MTUS2: variants seen among roughly 807,000 people sequenced by gnomAD.
MTUS2 encodes microtubule associated scaffold protein 2, also known as microtubule-associated tumor suppressor candidate 2.
A neutral mutation model predicts 114.1 loss-of-function variants in MTUS2; 40 were observed. That is an observed-to-expected ratio of 0.35 (90% CI 0.27 to 0.46). The LOEUF (loss-of-function observed/expected upper bound fraction) is 0.46, where lower values mean the gene tolerates loss of function less well. Among genes scored for constraint, MTUS2 ranks in the 20% least tolerant of loss-of-function variants. The probability of loss-of-function intolerance (pLI) is 1.00; values close to 1 mark genes in which losing one functional copy is unlikely to be tolerated. For missense variants in MTUS2, 1,679 were observed against 1,705.4 expected (o/e 0.98, Z 0.27); for synonymous variants, 688 against 672.0 (o/e 1.02, Z -0.37).
intron 4 of MTUS2, among the ~76,000 whole-genome samples, chr13:29,087,056 A>C (rs1170417191): frequency 6.6e-6 from 1 of 152,122 alleles, no homozygotes; most frequent in African/African-American, 2.4e-5. Context: ...GAAGTGGGAT[A>C]ATTTGACTTC....
chr13:29,264,350 T>A (rs1241492625), intron 5 of MTUS2, among the ~76,000 whole-genome samples: 1 of 152,246 alleles, frequency 6.6e-6, no homozygotes, highest in Non-Finnish European at 1.5e-5. Context: ...GTTGAGTGCC[T>A]GTGGCTTTTC....
chr13:28,907,368 C>T (rs192669327), intron 2 of MTUS2, among the ~76,000 whole-genome samples: 23 of 151,664 alleles, frequency 1.5e-4, no homozygotes, highest in Non-Finnish European at 2.8e-4. Context: ...AACCAGCTAA[C>T]ATCATAATGA....
At chr13:29,178,636 A>G (rs753240712) in intron 5 of MTUS2, among the ~76,000 whole-genome samples, 3 of 151,994 alleles carry the variant, frequency 2.0e-5, no homozygotes, top group Non-Finnish European at 2.9e-5. Context: ...TTGGGGGAGC[A>G]AAATCACTCC....
In MTUS2 at chr13:29,034,008, C is replaced by T. The variant is rs765921022; in HGVS notation, c.2329C>T (p.Arg777Cys). ...KPQLGLGAMS[R>C]LPSAKSRILI... ...CCAGCTAGGATTGGGTGCAATGTCC[C>T]GTTTACCATCTGCAAAGAGCAGGAT... Residue 777 changes from arginine (R) to cysteine (C), a missense_variant, in exon 4 of 16, where the codon CGT (arginine) becomes TGT (cysteine). Transcript: ENST00000612955. 7 of 1,613,962 alleles carry T rather than the reference C, an allele frequency of 4.3e-6. No individual in the cohort carries two copies. The highest frequency in any genetic ancestry group is 5.1e-6 in the Non-Finnish European group (6 of 1,179,900).
chr13:28,917,613 G>A (rs982307400), intron 2 of MTUS2, among the ~76,000 whole-genome samples: 2 of 150,184 alleles, frequency 1.3e-5, no homozygotes, highest in African/African-American at 4.9e-5. Flanking sequence ...TAGTCTCTCT[G>A]TTTTTCTTCA....
intron 5 of MTUS2, among the ~76,000 whole-genome samples, chr13:29,206,761 G>T (rs924256048): frequency 1.3e-5 from 2 of 152,134 alleles, no homozygotes; most frequent in Non-Finnish European, 2.9e-5. Context: ...TGTTCCATTG[G>T]TCTGTGAACC....
At chr13:29,239,213 A>G (rs1051869311) in intron 5 of MTUS2, among the ~76,000 whole-genome samples, 7 of 152,218 alleles carry the variant, frequency 4.6e-5, no homozygotes, top group African/African-American at 1.7e-4. Context: ...ACATCACATC[A>G]CACAGTAAAT....
intron 5 of MTUS2, among the ~76,000 whole-genome samples, chr13:29,276,971 A>G (rs1898089584): frequency 6.6e-6 from 1 of 152,178 alleles, no homozygotes. Flanking sequence ...AATTCTCTCA[A>G]TGACATATGA....
intron 6 of MTUS2, among the ~76,000 whole-genome samples, chr13:29,322,849 A>C (rs1186287631): frequency 6.6e-6 from 1 of 152,198 alleles, no homozygotes; most frequent in Non-Finnish European, 1.5e-5. Context: ...AGGGACAGTG[A>C]CAGCAGTATG....
chr13:28,865,148 T>C (rs1387257643), intron 2 of MTUS2, among the ~76,000 whole-genome samples: 1 of 152,236 alleles, frequency 6.6e-6, no homozygotes, highest in Non-Finnish European at 1.5e-5. Context: ...TCTATTCAGC[T>C]GATCTACCTG....
chr13:29,174,330 T>G (rs1893682701), intron 5 of MTUS2, among the ~76,000 whole-genome samples: 1 of 152,170 alleles, frequency 6.6e-6, no homozygotes, highest in Non-Finnish European at 1.5e-5. Flanking sequence ...CCCTGGCAGT[T>G]TGAGCATTTC....
chr13:29,095,440 C>A (rs1890137592), intron 4 of MTUS2, among the ~76,000 whole-genome samples: 1 of 151,976 alleles, frequency 6.6e-6, no homozygotes, highest in South Asian at 2.1e-4. Context: ...TTTCTCTTTA[C>A]CTTTCTACAC....
At position 29,275,141 on chromosome 13, in the gene MTUS2, A is replaced by G. The variant is rs1302105938; in HGVS notation, c.2645-6563A>G. Among the ~76,000 whole-genome samples the G allele has an allele frequency of 2.6e-5, 4 of 152,176 alleles. No individual in the cohort carries two copies. The East Asian group carries it at 7.7e-4, about 29-fold the overall frequency. Reference sequence around the variant, plus strand: ...TGACTTTTTAAATAGTGTCCTCTGAAGCACAAATTTTTTATTTCATTGCAG... The same window carrying G: ...TGACTTTTTAAATAGTGTCCTCTGAGGCACAAATTTTTTATTTCATTGCAG... On this transcript the variant is annotated intron_variant, in intron 5 of 15. Transcript: ENST00000612955.
chr13:29,059,241 T>TTC (rs1326441099), intron 4 of MTUS2, among the ~76,000 whole-genome samples: 1 of 150,720 alleles, frequency 6.6e-6, no homozygotes, highest in Non-Finnish European at 1.5e-5. Flanking sequence ...TTTTTTTTTT[T>TTC]TTTTTTTTGC....
chr13:29,501,043 T>C, intron 14 of MTUS2, 54 bp from the exon 15 acceptor site: 1 of 1,459,954 alleles, frequency 6.8e-7, no homozygotes, highest in Non-Finnish European at 9.6e-7. Context: ...GGCACCGGTT[T>C]ACTCCCGATT....
rs1495935 is a variant in MTUS2 at position 28,900,724 on chromosome 13, C to T, written c.-243+60874C>T. On this transcript the variant is annotated intron_variant, in intron 2 of 15. Transcript: ENST00000612955. The stretch of plus-strand genomic sequence containing the variant: ...TAGGCTGTCACAAATAAAGCTGTTA[C>T]GAACATACATTGTATTAGTTGACTA... 8.2e-3 allele frequency among the ~76,000 whole-genome samples: 1,248 copies of T among 152,234 alleles called. 17 individuals are homozygous for T. The highest frequency in any genetic ancestry group is 0.034 in the East Asian group (177 of 5,176).
intron 6 of MTUS2, among the ~76,000 whole-genome samples, chr13:29,282,137 TG>T (rs1424627903): frequency 6.6e-6 from 1 of 152,246 alleles, no homozygotes; most frequent in Admixed American, 6.5e-5. Flanking sequence ...TTAAGCAAAC[TG>T]GCATTTGGCT....
At chr13:29,361,409 G>A (rs934529541) in intron 8 of MTUS2, among the ~76,000 whole-genome samples, 10 of 151,922 alleles carry the variant, frequency 6.6e-5, no homozygotes, top group African/African-American at 1.7e-4. Flanking sequence ...TGATCTCTAC[G>A]CTATCTTTCT....
At chr13:29,302,902 G>T (rs919526115) in intron 6 of MTUS2, among the ~76,000 whole-genome samples, 1 of 152,180 alleles carries the variant, frequency 6.6e-6, no homozygotes, top group Non-Finnish European at 1.5e-5. Context: ...GTACATGAAG[G>T]CTGGCAGTAG....
Sources: gnomAD v4.1 joint callset for allele counts (sites outside exome capture counted in the v4.1 genomes callset) on GRCh38, gnomAD v4.1.1 for gene constraint, MANE v1.5 for transcripts, NCBI Gene and HGNC (gene_info 2026-07-23, HGNC 2026-07-21) for gene names.